Variants in HLCS observed in about 807,000 individuals in gnomAD.
The protein encoded by HLCS is holocarboxylase synthetase, also known as biotin--protein ligase.
A neutral mutation model predicts 75.0 loss-of-function variants in HLCS; 53 were observed. That is an observed-to-expected ratio of 0.71 (90% CI 0.57 to 0.89). HLCS has a LOEUF of 0.89. HLCS is among the 40% of genes least tolerant of loss of function. HLCS has a pLI of 0.00. For synonymous variants in HLCS, 431 were observed against 428.6 expected, an observed-to-expected ratio of 1.01 and a Z score of -0.07; for missense variants, 966 against 1,074.0, an observed-to-expected ratio of 0.90 and a Z score of 1.41.
At position 36,855,555 on chromosome 21, in the gene HLCS, A is replaced by AC. The variant is rs2063160713; in HGVS notation, c.1892+41304_1892+41305insG. 5.8e-5 allele frequency among the ~76,000 whole-genome samples: 8 copies of AC among 137,338 alleles called. No individual in the cohort carries two copies. The Admixed American group carries it at 6.0e-4, about 10-fold the overall frequency. The allele number at this position is 137,338 out of a possible 152,430, so 90.1% of individuals were successfully genotyped here. A position where few individuals can be genotyped will look rare whatever the true frequency, so the allele number is the denominator to read the frequency against. ...TCCATCTAAAAAAAAAAAAAAAAAAAAAAAAAAGGTTAAAGGTGGCAGTAC... is the reference window on the plus strand; with the variant it reads ...TCCATCTAAAAAAAAAAAAAAAAAAACAAAAAAAGGTTAAAGGTGGCAGTAC... On this transcript the variant is annotated intron_variant, in intron 6 of 10. Coordinates refer to ENST00000674895, the MANE Select transcript of HLCS (RefSeq NM_001352514.2).
intron 6 of HLCS, among the ~76,000 whole-genome samples, chr21:36,881,063 C>A (rs2064192148): frequency 6.6e-6 from 1 of 152,054 alleles, no homozygotes; most frequent in African/African-American, 2.4e-5. Flanking sequence ...CTCCACCTCC[C>A]AGATTCAAGC....
At chr21:36,982,312 T>G (rs1406163035) in intron 1 of HLCS, among the ~76,000 whole-genome samples, 1 of 152,156 alleles carries the variant, frequency 6.6e-6, no homozygotes, top group African/African-American at 2.4e-5. Flanking sequence ...GTTCTGAACA[T>G]CCACTCGTCT....
intron 6 of HLCS, among the ~76,000 whole-genome samples, chr21:36,890,229 C>A (rs185411276): frequency 6.6e-6 from 1 of 152,296 alleles, no homozygotes; most frequent in East Asian, 1.9e-4. Flanking sequence ...TTGGGCAGTA[C>A]TTTATAGCAA....
chr21:36,950,465 A>G (rs2146601035), intron 2 of HLCS, among the ~76,000 whole-genome samples: 1 of 147,832 alleles, frequency 6.8e-6, no homozygotes, highest in East Asian at 1.9e-4. Flanking sequence ...GGGAGAACCA[A>G]TCTTTTTTTT....
chr21:36,953,317 C>T (rs2067759943), intron 2 of HLCS, among the ~76,000 whole-genome samples: 1 of 152,170 alleles, frequency 6.6e-6, no homozygotes, highest in African/African-American at 2.4e-5. Context: ...TCTTCCCCCA[C>T]TCTGAAGGCT....
intron 6 of HLCS, among the ~76,000 whole-genome samples, chr21:36,846,323 T>A (rs1026719136): frequency 6.6e-6 from 1 of 152,172 alleles, no homozygotes; most frequent in African/African-American, 2.4e-5. Context: ...TCAATAAATG[T>A]TGGTTTCCTA....
At position 36,748,653 on chromosome 21, in the gene HLCS, C is replaced by G. The variant is rs1340568057; in HGVS notation, c.*5593G>C. 2.0e-5 allele frequency: 3 copies of G among 152,344 alleles called. No individual in the cohort carries two copies. The highest frequency in any genetic ancestry group is 4.4e-5 in the Non-Finnish European group (3 of 68,020). The allele number at this position is 152,344 out of a possible 1,614,324, so 9.4% of individuals were successfully genotyped here. The stretch of plus-strand genomic sequence containing the variant: ...TCATTATTTTTGTTTTTATTTAACC[C>G]TTTCTTCAATACAAAAAGCCAACAA... On this transcript the variant is annotated 3_prime_UTR_variant, in exon 11 of 11. Coordinates refer to ENST00000674895, the MANE Select transcript of HLCS (RefSeq NM_001352514.2).
intron 9 of HLCS, among the ~76,000 whole-genome samples, chr21:36,757,489 G>A (rs2089649151): frequency 6.6e-6 from 1 of 152,090 alleles, no homozygotes; most frequent in African/African-American, 2.4e-5. Flanking sequence ...TGTTCAGCAG[G>A]GCCCTGAATC....
At chr21:36,956,451 A>G (rs558797885) in intron 2 of HLCS, among the ~76,000 whole-genome samples, 20 of 152,348 alleles carry the variant, frequency 1.3e-4, no homozygotes, top group East Asian at 5.8e-4. Flanking sequence ...TTTGTAGGCC[A>G]GGTGTGGTGG....
chr21:36,904,231 C>T (rs1470899193), intron 5 of HLCS, among the ~76,000 whole-genome samples: 1 of 152,184 alleles, frequency 6.6e-6, no homozygotes, highest in East Asian at 1.9e-4. Context: ...AGTAAGTCAA[C>T]CTGACTTGCC....
chr21:36,899,348 G>A lies in HLCS; in HGVS notation c.1621-2217C>T, dbSNP rs141588512. Among the ~76,000 whole-genome samples the A allele has an allele frequency of 4.2e-3, 640 of 152,260 alleles. 3 individuals carry two copies. Among genetic ancestry groups the A allele is most frequent in the African/African-American group, 0.014 (586 of 41,544 alleles). On this transcript the variant is annotated intron_variant, in intron 5 of 10. Coordinates refer to ENST00000674895, the MANE Select transcript of HLCS (RefSeq NM_001352514.2). ...TTTAAAAATAATAAATTCAGGCCGG[G>A]CACAGTGGTTCACGCCTGTAATCCC...
chr21:36,941,681 C>T (rs1241115968), intron 2 of HLCS, among the ~76,000 whole-genome samples: 5 of 152,024 alleles, frequency 3.3e-5, no homozygotes, highest in Non-Finnish European at 7.4e-5. Flanking sequence ...ACCAGCCTGA[C>T]CAACATGGTG....
intron 1 of HLCS, chr21:36,980,610 C>T (rs558993353): frequency 6.6e-6 from 1 of 152,486 alleles, no homozygotes; most frequent in African/African-American, 2.4e-5. Context: ...CACCCGAGTC[C>T]CCAGAGCCCC....
At chr21:36,811,803 C>T (rs1033086324) in intron 6 of HLCS, among the ~76,000 whole-genome samples, 4 of 152,182 alleles carry the variant, frequency 2.6e-5, no homozygotes, top group African/African-American at 9.7e-5. Flanking sequence ...CTATTGAACA[C>T]GATGCCTGCA....
At chr21:36,763,592 G>C (rs751808170) in intron 8 of HLCS, among the ~76,000 whole-genome samples, 10 of 152,238 alleles carry the variant, frequency 6.6e-5, no homozygotes, top group African/African-American at 1.9e-4. Context: ...TCAATGAAAT[G>C]ATGACAGGAC....
intron 6 of HLCS, among the ~76,000 whole-genome samples, chr21:36,789,672 A>AT (rs1369990886): frequency 1.3e-4 from 20 of 152,240 alleles, no homozygotes. Context: ...GAAACAAAAG[A>AT]TTTCATCACA....
In HLCS at chr21:36,762,815, T is replaced by G. The variant is rs1035766888; in HGVS notation, c.2121+2197A>C. On this transcript the variant is annotated intron_variant, in intron 8 of 10. Coordinates refer to ENST00000674895, the MANE Select transcript of HLCS (RefSeq NM_001352514.2). ...CAAGCTTCCCACTTCCATCCTGGCCTCCAGCGCCTGGCGCACGCAGCCTCT... is the reference window on the plus strand; with the variant it reads ...CAAGCTTCCCACTTCCATCCTGGCCGCCAGCGCCTGGCGCACGCAGCCTCT... 5.3e-5 allele frequency among the ~76,000 whole-genome samples: 8 copies of G among 152,322 alleles called. No homozygotes were observed. In the East Asian group the frequency reaches 1.3e-3, roughly 26 times the overall value.
At chr21:36,964,964 A>G (rs1021612017) in intron 1 of HLCS, among the ~76,000 whole-genome samples, 2 of 152,210 alleles carry the variant, frequency 1.3e-5, no homozygotes, top group South Asian at 2.1e-4. Flanking sequence ...TAAGCCATAC[A>G]TTGTATGTAA....
At chr21:36,894,990 G>A (rs548885912) in intron 6 of HLCS, among the ~76,000 whole-genome samples, 14 of 152,138 alleles carry the variant, frequency 9.2e-5, no homozygotes, top group African/African-American at 2.9e-4. Flanking sequence ...GCGGATGTGC[G>A]GGAGCCTCAG....
Sources: gnomAD v4.1 joint callset for allele counts (sites outside exome capture counted in the v4.1 genomes callset) on GRCh38, gnomAD v4.1.1 for gene constraint, MANE v1.5 for transcripts, NCBI Gene and HGNC (gene_info 2026-07-23, HGNC 2026-07-21) for gene names.